The following FAH variants were observed in gnomAD, a reference collection of about 807,000 sequenced individuals.
The protein encoded by FAH is fumarylacetoacetase.
FAH carries 47 observed loss-of-function variants against 55.8 expected under a neutral mutation model. The observed-to-expected ratio is 0.84, with a 90% CI of 0.67 to 1.07. The LOEUF is 1.07. Ranked by LOEUF, FAH falls within the 50% of genes least tolerant of loss-of-function variation. The pLI is 0.00. For missense variants in FAH, 495 were observed against 545.9 expected (o/e 0.91, Z 0.93); for synonymous variants, 199 against 207.7 (o/e 0.96, Z 0.36).
At position 80,180,257 on chromosome 15, in the gene FAH, C is replaced by T. The variant is rs778004247; in HGVS notation, c.1062+32C>T. The T allele has an allele frequency of 7.8e-6, 12 of 1,534,644 alleles. No individual in the cohort carries two copies. The East Asian group carries it at 9.0e-5, about 11-fold the overall frequency. Reference sequence around the variant, plus strand: ...ATCTGGCTGCACTGAGGGCTGCCCACGCAGAGCATCCCTGCTCCCCACACA... The same window carrying T: ...ATCTGGCTGCACTGAGGGCTGCCCATGCAGAGCATCCCTGCTCCCCACACA... On this transcript the variant is annotated intron_variant, in intron 12 of 13. Coordinates refer to ENST00000561421, the MANE Select transcript of FAH (RefSeq NM_000137.4).
At chr15:80,170,907 G>T (rs2041235062) in intron 7 of FAH, among the ~76,000 whole-genome samples, 1 of 152,194 alleles carries the variant, frequency 6.6e-6, no homozygotes, top group Non-Finnish European at 1.5e-5. Flanking sequence ...ATGATGCCTG[G>T]CTAGTCTGCT....
chr15:80,155,816 A>C (rs2041094185), intron 1 of FAH: 1 of 449,158 alleles, frequency 2.2e-6, no homozygotes, highest in South Asian at 1.6e-5. Context: ...AGGTAGCCGA[A>C]GCAGAGAGGG....
chr15:80,152,964 G>A, upstream of FAH: 8 of 1,134,030 alleles, frequency 7.1e-6, no homozygotes, highest in Non-Finnish European at 7.9e-6. Flanking sequence ...GCGGGCAGGG[G>A]GGCGGGGCCG....
chr15:80,177,127 G>T (rs572190521), intron 10 of FAH, among the ~76,000 whole-genome samples: 1 of 152,216 alleles, frequency 6.6e-6, no homozygotes, highest in African/African-American at 2.4e-5. Context: ...CTCGGCAGGG[G>T]ACAGATGACC....
At chr15:80,162,149 T>C in intron 4 of FAH, 97 bp from the exon 5 acceptor site, 1 of 887,156 alleles carries the variant, frequency 1.1e-6, no homozygotes, top group Admixed American at 1.7e-5. Flanking sequence ...GTGTAAACAG[T>C]ATTGTGTGCA....
intron 13 of FAH, among the ~76,000 whole-genome samples, 154 bp downstream of exon 13, chr15:80,181,313 C>T (rs1196874932): frequency 6.6e-6 from 1 of 152,194 alleles, no homozygotes; most frequent in Non-Finnish European, 1.5e-5. Flanking sequence ...TGTCCTTCCC[C>T]ACAGCTATGG....
In FAH at chr15:80,153,053, G is replaced by A; in HGVS notation, c.-2G>A. On this transcript the variant is annotated 5_prime_UTR_variant, in exon 1 of 14. Coordinates refer to ENST00000561421, the MANE Select transcript of FAH (RefSeq NM_000137.4). ...CCGCAGCCGTGCCGGGTGCTCTTCA[G>A]CATGTCCTTCATCCCGGTGGCCGAG... 1 of 1,613,206 alleles carries A rather than the reference G, an allele frequency of 6.2e-7. No individual in the cohort carries two copies. Among genetic ancestry groups the A allele is most frequent in the East Asian group, 2.2e-5 (1 of 44,860 alleles).
intron 5 of FAH, chr15:80,166,326 G>A (rs530026774): frequency 6.6e-6 from 1 of 152,286 alleles, no homozygotes; most frequent in African/African-American, 2.4e-5. Context: ...TTTTCGCCAT[G>A]TTGATCAGGC....
At chr15:80,157,959 AG>A in intron 1 of FAH, 100 bp from the exon 2 acceptor site, 1 of 850,264 alleles carries the variant, frequency 1.2e-6, no homozygotes, top group Non-Finnish European at 2.1e-6. Flanking sequence ...GGCCACCTAA[AG>A]GGGGACCTGT....
chr15:80,164,945 A>G (rs1243900356), intron 5 of FAH, among the ~76,000 whole-genome samples: 1 of 152,250 alleles, frequency 6.6e-6, no homozygotes, highest in East Asian at 1.9e-4. Context: ...AAACGAGGGC[A>G]TGCTGAAATT....
chr15:80,173,334 CT>C (rs1383539308), intron 9 of FAH, 190 bp downstream of exon 9: 1 of 730,666 alleles, frequency 1.4e-6, no homozygotes, highest in African/African-American at 1.7e-5. Context: ...ATCATTCTCC[CT>C]TGTGGTTTCC....
At chr15:80,158,380 G>A (rs1471194986) in intron 2 of FAH, among the ~76,000 whole-genome samples, 5 of 152,216 alleles carry the variant, frequency 3.3e-5, no homozygotes, top group Admixed American at 2.6e-4. Flanking sequence ...TCACCTCAGG[G>A]CGAGTTCCTA....
chr15:80,186,664 G>A (rs900143456), downstream of FAH: 9 of 251,348 alleles, frequency 3.6e-5, no homozygotes, highest in African/African-American at 1.8e-4. Flanking sequence ...AAACCTGCTG[G>A]GTGGGTTGCT....
Position 80,175,023 on chromosome 15 carries a change from G to A in FAH, c.845G>A (p.Arg282Lys), listed in dbSNP as rs779537552. The change falls in exon 10 of 14, where the codon AGG (arginine) becomes AAG (lysine). Residue 282 changes from arginine (R) to lysine (K), a missense_variant. Coordinates refer to ENST00000561421, the MANE Select transcript of FAH (RefSeq NM_000137.4). Reference sequence around the variant, plus strand: ...TGTGCTTTGCCCTCTCAGGACCCCAGGCCCCTGCCGTATCTGTGCCATGAC... The same window carrying A: ...TGTGCTTTGCCCTCTCAGGACCCCAAGCCCCTGCCGTATCTGTGCCATGAC... ...FAVPNPKQDP[R>K]PLPYLCHDEP... 12 of 1,613,952 alleles carry A rather than the reference G, an allele frequency of 7.4e-6. No individual in the cohort carries two copies. Among genetic ancestry groups the A allele is most frequent in the Non-Finnish European group, 1.0e-5 (12 of 1,179,990 alleles).
chr15:80,159,241 A>G (rs1362069627), intron 2 of FAH, among the ~76,000 whole-genome samples: 1 of 149,872 alleles, frequency 6.7e-6, no homozygotes, highest in East Asian at 2.0e-4. Flanking sequence ...AAAAAAAACA[A>G]CTTTTTTTTT....
intron 1 of FAH, chr15:80,155,915 A>T (rs2041095077): frequency 4.2e-6 from 2 of 478,436 alleles, no homozygotes; most frequent in African/African-American, 2.0e-5. Flanking sequence ...ACCGCTATCT[A>T]CTACAAACTT....
chr15:80,185,509 A>T (rs1374877300), intron 13 of FAH, among the ~76,000 whole-genome samples: 1 of 152,234 alleles, frequency 6.6e-6, no homozygotes, highest in African/African-American at 2.4e-5. Context: ...CCACTGTATT[A>T]GTCTGTTTTC....
chr15:80,167,766 A>G (rs2041204659), intron 5 of FAH, among the ~76,000 whole-genome samples: 1 of 152,024 alleles, frequency 6.6e-6, no homozygotes, highest in Non-Finnish European at 1.5e-5. Flanking sequence ...TCCTGGCCTC[A>G]TGTGATCTGC....
chr15:80,159,998 G>T, intron 3 of FAH, 121 bp downstream of exon 3: 1 of 1,316,336 alleles, frequency 7.6e-7, no homozygotes, highest in Non-Finnish European at 1.1e-6. Flanking sequence ...AGTCAGACCT[G>T]CCCTCATCCA....
Sources: gnomAD v4.1 joint callset for allele counts (sites outside exome capture counted in the v4.1 genomes callset) on GRCh38, gnomAD v4.1.1 for gene constraint, MANE v1.5 for transcripts, NCBI Gene and HGNC (gene_info 2026-07-23, HGNC 2026-07-21) for gene names.